GADL1: variants seen among roughly 807,000 people sequenced by gnomAD.
GADL1 encodes acidic amino acid decarboxylase GADL1.
Under a neutral mutation model 69.5 loss-of-function variants are expected in GADL1, and 71 were observed. The observed-to-expected ratio is 1.02, with a 90% CI of 0.84 to 1.25. GADL1 has a LOEUF of 1.25. GADL1 is among the 50% of genes most tolerant of loss of function. GADL1 has a pLI of 0.00. For missense variants in GADL1, 737 were observed against 631.8 expected, an observed-to-expected ratio of 1.17 and a Z score of -1.79; for synonymous variants, 254 against 214.4, an observed-to-expected ratio of 1.18 and a Z score of -1.62.
chr3:30,854,576 T>A (rs1291859315), intron 4 of GADL1, 123 bp downstream of exon 4: 2 of 601,972 alleles, frequency 3.3e-6, no homozygotes, highest in African/African-American at 3.7e-5. Context: ...ATAAAACTAT[T>A]CCATTATTTG....
chr3:30,726,934 C>G lies in GADL1; in HGVS notation c.*1308G>C, dbSNP rs1367748828. ...GAATCCCAGATTCTGTAATATAAAC[C>G]ACTTAATAATCTATACTGACATTTC... On this transcript the variant is annotated 3_prime_UTR_variant, in exon 15 of 15. Coordinates refer to ENST00000282538, the MANE Select transcript of GADL1 (RefSeq NM_207359.3). 2.0e-5 allele frequency: 3 copies of G among 152,308 alleles called. No homozygotes were observed. Among genetic ancestry groups the G allele is most frequent in the African/African-American group, 7.3e-5 (3 of 41,344 alleles). The allele number at this position is 152,308 out of a possible 1,614,324, so 9.4% of individuals were successfully genotyped here. A position where few individuals can be genotyped will look rare whatever the true frequency, so the allele number is the denominator to read the frequency against.
At chr3:30,801,447 A>G (rs1482220072) in intron 11 of GADL1, among the ~76,000 whole-genome samples, 1 of 152,138 alleles carries the variant, frequency 6.6e-6, no homozygotes, top group Non-Finnish European at 1.5e-5. Flanking sequence ...GAAAAAAAAA[A>G]CTGACATATT....
At chr3:30,835,760 G>A (rs574419257) in intron 9 of GADL1, among the ~76,000 whole-genome samples, 4 of 152,160 alleles carry the variant, frequency 2.6e-5, no homozygotes, top group East Asian at 3.9e-4. Flanking sequence ...AGAGGCCTGC[G>A]AGCTCTGATG....
intron 13 of GADL1, among the ~76,000 whole-genome samples, chr3:30,782,494 G>A (rs1339155488): frequency 1.3e-5 from 2 of 152,072 alleles, no homozygotes; most frequent in Non-Finnish European, 2.9e-5. Context: ...GTAGAATTTT[G>A]GTAAGGAAAA....
intron 12 of GADL1, among the ~76,000 whole-genome samples, chr3:30,787,056 A>AG (rs1017972158): frequency 2.0e-5 from 3 of 152,120 alleles, no homozygotes; most frequent in African/African-American, 7.2e-5. Flanking sequence ...GGGGAGGATG[A>AG]GGGGAGAGTA....
chr3:30,779,330 AAC>A (rs1696607593), intron 13 of GADL1, among the ~76,000 whole-genome samples: 1 of 152,212 alleles, frequency 6.6e-6, no homozygotes, highest in Non-Finnish European at 1.5e-5. Flanking sequence ...TTCTGCCATA[AAC>A]AGTTTGTAAT....
intron 14 of GADL1, among the ~76,000 whole-genome samples, chr3:30,769,222 A>C (rs1211012093): frequency 1.3e-5 from 2 of 152,188 alleles, no homozygotes; most frequent in Admixed American, 6.5e-5. Flanking sequence ...TGTAGAGATG[A>C]GGATCTTATT....
chr3:30,757,858 C>A (rs1696017243), intron 14 of GADL1, among the ~76,000 whole-genome samples: 1 of 150,334 alleles, frequency 6.7e-6, no homozygotes, highest in African/African-American at 2.5e-5. Context: ...CTCAGATTAT[C>A]AGCAGTTCAG....
intron 11 of GADL1, among the ~76,000 whole-genome samples, chr3:30,821,508 T>C (rs2125517847): frequency 6.7e-6 from 1 of 149,896 alleles, no homozygotes; most frequent in South Asian, 2.1e-4. Flanking sequence ...GAAGTTCATC[T>C]CTACTTTTGT....
chr3:30,736,709 T>A (rs947739932), intron 14 of GADL1, among the ~76,000 whole-genome samples: 8 of 152,206 alleles, frequency 5.3e-5, no homozygotes, highest in Non-Finnish European at 1.0e-4. Flanking sequence ...TGTATGCCAT[T>A]AATCTTCCAT....
At chr3:30,855,692 G>T (rs960111635) in intron 3 of GADL1, among the ~76,000 whole-genome samples, 1 of 151,964 alleles carries the variant, frequency 6.6e-6, no homozygotes. Context: ...CCGGCTAACT[G>T]GCTTGGCATT....
chr3:30,822,586 G>T (rs1023153777), intron 11 of GADL1, among the ~76,000 whole-genome samples: 14 of 152,084 alleles, frequency 9.2e-5, no homozygotes, highest in African/African-American at 3.4e-4. Context: ...ATATTAATAT[G>T]CATCTCAAGA....
intron 1 of GADL1, among the ~76,000 whole-genome samples, chr3:30,880,727 A>G (rs1698631555): frequency 6.6e-6 from 1 of 151,930 alleles, no homozygotes; most frequent in Non-Finnish European, 1.5e-5. Context: ...TGGTATCCAC[A>G]GGAGGTCCTG....
rs1336340624 is a variant in GADL1 at position 30,765,455 on chromosome 3, G to A, written c.1392+12724C>T. ...AAGTTCATGCCTTATTTTGCTGAAT[G>A]AATCAATAAATTATTTTCTATGCAT... is the stretch of plus-strand genomic sequence containing the variant. On this transcript the variant is annotated intron_variant, in intron 14 of 14. Coordinates refer to ENST00000282538, the MANE Select transcript of GADL1 (RefSeq NM_207359.3). 7.8e-5 allele frequency among the ~76,000 whole-genome samples: 10 copies of A among 128,410 alleles called. No homozygotes were observed. In the East Asian group the frequency reaches 8.7e-4, roughly 11 times the overall value. 84.2% of individuals were successfully genotyped at this position (128,410 alleles called of 152,430 possible).
intron 14 of GADL1, among the ~76,000 whole-genome samples, chr3:30,735,978 CAT>C (rs1490508452): frequency 2.0e-4 from 31 of 152,228 alleles, no homozygotes; most frequent in Non-Finnish European, 3.7e-4. Flanking sequence ...ACTAAATTAA[CAT>C]AATCTTTCAT....
chr3:30,827,947 T>C (rs1344374567), intron 11 of GADL1, among the ~76,000 whole-genome samples: 2 of 151,884 alleles, frequency 1.3e-5, no homozygotes, highest in Non-Finnish European at 2.9e-5. Flanking sequence ...CCTTCCCCTT[T>C]TTCTGCTACA....
chr3:30,812,917 G>C (rs1043237130), intron 11 of GADL1, among the ~76,000 whole-genome samples: 1 of 151,806 alleles, frequency 6.6e-6, no homozygotes, highest in African/African-American at 2.4e-5. Flanking sequence ...AGGGTAGATC[G>C]GGGAAGAAGA....
chr3:30,805,361 G>C (rs201383864), intron 11 of GADL1, among the ~76,000 whole-genome samples: 1 of 152,176 alleles, frequency 6.6e-6, no homozygotes, highest in African/African-American at 2.4e-5. Flanking sequence ...GTGAAAGAGG[G>C]TGCTCCATTT....
chr3:30,886,478 A>T (rs1698713289), intron 1 of GADL1, among the ~76,000 whole-genome samples: 1 of 152,112 alleles, frequency 6.6e-6, no homozygotes, highest in Non-Finnish European at 1.5e-5. Flanking sequence ...ACACAACAAG[A>T]GCAAACTTGG....
Sources: allele counts gnomAD v4.1 joint callset (sites outside exome capture counted in the v4.1 genomes callset), GRCh38; gene constraint gnomAD v4.1.1; transcripts MANE v1.5; gene names NCBI Gene and HGNC (gene_info 2026-07-23, HGNC 2026-07-21).